Variants in DOCK8 observed in about 807,000 individuals in gnomAD.
The protein encoded by DOCK8 is dedicator of cytokinesis protein 8.
DOCK8 carries 141 observed loss-of-function variants against 245.6 expected under a neutral mutation model. The observed-to-expected ratio is 0.57, with a 90% CI of 0.50 to 0.66. The LOEUF is 0.66. Ranked by LOEUF, DOCK8 falls within the 30% of genes least tolerant of loss-of-function variation. The pLI is 0.00. For missense variants in DOCK8, 2,965 were observed against 2,603.4 expected (o/e 1.14, Z -3.02); for synonymous variants, 1,168 against 970.2 (o/e 1.20, Z -3.79).
intron 46 of DOCK8, chr9:457,007 C>T (rs1475013252): frequency 6.6e-6 from 1 of 152,142 alleles, no homozygotes; most frequent in Non-Finnish European, 1.5e-5. Flanking sequence ...GCTCAGAAAA[C>T]AGGCTGTTGA....
chr9:376,826 C>A, intron 19 of DOCK8, 151 bp from the exon 20 acceptor site: 2 of 726,308 alleles, frequency 2.8e-6, no homozygotes, highest in South Asian at 1.5e-5. Flanking sequence ...AAGTTCATAG[C>A]CTCGGTCTGA....
rs141901730 is a variant in DOCK8, at chr9:283,000, G to A, written c.157-3461G>A. 1.2e-4 allele frequency among the ~76,000 whole-genome samples: 18 copies of A among 152,244 alleles called. No individual in the cohort carries two copies. In the East Asian group the frequency reaches 3.3e-3, roughly 28 times the overall value. On this transcript the variant is annotated intron_variant, in intron 2 of 47. Transcript: ENST00000432829. ...TCTTATGAGAAGCTCAGAGTGGAAC[G>A]TGTGGGTCCTGGTAAATATATTATT...
chr9:283,477 G>T (rs1216138895), intron 2 of DOCK8, among the ~76,000 whole-genome samples: 3 of 152,048 alleles, frequency 2.0e-5, no homozygotes, highest in African/African-American at 7.2e-5. Context: ...GTAAAGTCTG[G>T]ACTTTTAGTG....
chr9:278,094 T>C (rs1420518449), intron 2 of DOCK8, among the ~76,000 whole-genome samples: 2 of 152,246 alleles, frequency 1.3e-5, no homozygotes, highest in Non-Finnish European at 2.9e-5. Flanking sequence ...GATAATTTTC[T>C]TGCAAATTCA....
chr9:452,299 C>G lies in DOCK8; in HGVS notation c.6068+182C>G, dbSNP rs557807126. Among the ~76,000 whole-genome samples, 6 of 152,262 alleles carry G rather than the reference C, an allele frequency of 3.9e-5. No individual in the cohort carries two copies. The East Asian group carries it at 1.2e-3, about 29-fold the overall frequency. ...AGCAATGTGCAGTTTAACCCGCCCT[C>G]CAGGTGATCCTGATGCACACTGAAG... is the stretch of plus-strand genomic sequence containing the variant. On this transcript the variant is annotated intron_variant, in intron 46 of 47. Coordinates refer to ENST00000432829, the MANE Select transcript of DOCK8 (RefSeq NM_203447.4).
chr9:376,265 T>C lies in DOCK8; in HGVS notation c.2165T>C (p.Phe722Ser). The C allele has an allele frequency of 6.2e-7, 1 of 1,613,540 alleles. No homozygotes were observed. The highest frequency in any genetic ancestry group is 2.2e-5 in the East Asian group (1 of 44,866). Residue 722 changes from phenylalanine to serine, a missense_variant, in exon 19 of 48, where the codon TTT (phenylalanine) becomes TCT (serine). Around this residue, in one of 3 missense-constraint regions of DOCK8, gnomAD observed 2,825 missense variants for 2,453.5 expected, o/e 1.15. Transcript: ENST00000432829. Reference protein sequence around the residue: ...IKWAEGHKGVFNIEVQAVSSV... With the variant: ...IKWAEGHKGVSNIEVQAVSSV... Reference sequence around the variant, plus strand: ...TGGGCTGAAGGACATAAGGGAGTATTTAATATTGAAGTGCAAGCTGTTTCT... The same window carrying C: ...TGGGCTGAAGGACATAAGGGAGTATCTAATATTGAAGTGCAAGCTGTTTCT...
At chr9:276,441 A>G (rs2048349858) in intron 2 of DOCK8, among the ~76,000 whole-genome samples, 1 of 150,982 alleles carries the variant, frequency 6.6e-6, no homozygotes, top group African/African-American at 2.4e-5. Flanking sequence ...TAAAAACTAT[A>G]AATATCAGGT....
chr9:439,587 C>A (rs1167474435), intron 40 of DOCK8, among the ~76,000 whole-genome samples, 199 bp downstream of exon 40: 1 of 152,200 alleles, frequency 6.6e-6, no homozygotes, highest in Non-Finnish European at 1.5e-5. Context: ...GCTGAGATAA[C>A]CTTTCATCAC....
chr9:319,731 T>A (rs2050503566), intron 7 of DOCK8, among the ~76,000 whole-genome samples: 1 of 150,720 alleles, frequency 6.6e-6, no homozygotes, highest in Non-Finnish European at 1.5e-5. Context: ...ATAGAAACCC[T>A]CAAAGATACA....
chr9:365,610 G>T (rs1376843470), intron 14 of DOCK8: 1 of 454,402 alleles, frequency 2.2e-6, no homozygotes, highest in East Asian at 7.0e-5. Context: ...CCAGGTTTCA[G>T]CTGTTGCTCA....
chr9:441,734 T>A, intron 41 of DOCK8, 141 bp from the exon 42 acceptor site: 1 of 1,114,592 alleles, frequency 9.0e-7, no homozygotes, highest in Non-Finnish European at 1.3e-6. Flanking sequence ...GCATTAAATT[T>A]TTTTAAGGAG....
At chr9:419,986 CCCTG>C (rs1478581299) in intron 30 of DOCK8, 1 of 271,876 alleles carries the variant, frequency 3.7e-6, no homozygotes, top group African/African-American at 2.2e-5. Flanking sequence ...TTTCCTTCTC[CCCTG>C]TAAGTCTAAC....
chr9:356,014 A>G (rs1004009416), intron 14 of DOCK8, among the ~76,000 whole-genome samples: 1 of 152,224 alleles, frequency 6.6e-6, no homozygotes, highest in African/African-American at 2.4e-5. Context: ...CACACTGGAA[A>G]TAGGATTCTA....
chr9:384,654 T>C (rs143323684), intron 22 of DOCK8, among the ~76,000 whole-genome samples: 2,687 of 152,338 alleles, frequency 0.018, 31 homozygotes, highest in Non-Finnish European at 0.026. Context: ...CCGTGGCTCA[T>C]GCCAGTAATC....
chr9:400,894 CTCCCCCACT>C (rs1200714937), intron 26 of DOCK8, among the ~76,000 whole-genome samples: 4 of 117,496 alleles, frequency 3.4e-5, no homozygotes, highest in Admixed American at 8.6e-5. Flanking sequence ...CCACCACCAC[CTCCCCCACT>C]ACCAACAGCT....
chr9:238,968 T>C (rs537741805), intron 1 of DOCK8, among the ~76,000 whole-genome samples: 132 of 152,092 alleles, frequency 8.7e-4, no homozygotes, highest in Non-Finnish European at 1.6e-3. Flanking sequence ...ACTGGGACCA[T>C]TTAGACACAC....
At position 368,064 on chromosome 9, in the gene DOCK8, C is replaced by T. The variant is rs371852141; in HGVS notation, c.1726C>T (p.Leu576=). 1.2e-6 allele frequency: 2 copies of T among 1,614,156 alleles called. No individual in the cohort carries two copies. The highest frequency in any genetic ancestry group is 1.3e-5 in the African/African-American group (1 of 75,026). Residue 576 remains leucine, a synonymous_variant, in exon 15 of 48, where the codon CTA becomes TTA. Transcript: ENST00000432829. ...ACAGAGGCTGAACTTTGTAAACAAA[C>T]TAGCATCAGCCCGGAACATTACAAT... is the stretch of plus-strand genomic sequence containing the variant. The part of the protein sequence containing the change: ...YPQRLNFVNK[L]ASARNITIKI...
intron 33 of DOCK8, among the ~76,000 whole-genome samples, chr9:426,516 A>G (rs2056508071): frequency 6.6e-6 from 1 of 152,174 alleles, no homozygotes; most frequent in African/African-American, 2.4e-5. Flanking sequence ...CAGATCTAGC[A>G]ATGGTTTTCA....
intron 42 of DOCK8, 148 bp from the exon 43 acceptor site, chr9:443,279 A>C: frequency 1.3e-6 from 1 of 755,920 alleles, no homozygotes; most frequent in Non-Finnish European, 2.3e-6. Context: ...GAAATGCTGA[A>C]CTTTGCTCAT....
Sources: allele counts gnomAD v4.1 joint callset (sites outside exome capture counted in the v4.1 genomes callset), GRCh38; gene constraint gnomAD v4.1.1; regional missense constraint gnomAD v4.1.1; transcripts MANE v1.5; gene names NCBI Gene and HGNC (gene_info 2026-07-23, HGNC 2026-07-21).